Variants in CPOX observed in about 807,000 individuals in gnomAD.
The protein encoded by CPOX is coproporphyrinogen oxidase.
A neutral mutation model predicts 48.9 loss-of-function variants in CPOX; 24 were observed. The ratio of observed to expected loss-of-function variants is 0.49; its 90% CI spans 0.36 to 0.69. The LOEUF is 0.69. Among genes scored for constraint, CPOX ranks in the 30% least tolerant of loss-of-function variants. The pLI is 0.00. For missense variants in CPOX, 549 were observed against 597.3 expected (o/e 0.92, Z 0.84); for synonymous variants, 249 against 234.6 (o/e 1.06, Z -0.56).
rs1707507936 is a variant in CPOX, at chr3:98,592,950, T to C, written c.555A>G (p.Glu185=). The change falls in exon 1 of 7, where the codon GAA becomes GAG. Residue 185 remains glutamate, a splice_region_variant and synonymous_variant. Coordinates refer to ENST00000647941, the MANE Select transcript of CPOX (RefSeq NM_000097.7). ...NFSVDRWERK[E]GGGGISCVLQ... is the part of the protein sequence containing the mutation. ...CCCGCCAGGGGCCGGCCTCCTTACC[T>C]TCCTTCCTCTCCCACCGGTCCACAG... The C allele has an allele frequency of 6.2e-7, 1 of 1,611,842 alleles. No homozygotes were observed. Among genetic ancestry groups the C allele is most frequent in the Non-Finnish European group, 8.5e-7 (1 of 1,179,218 alleles).
downstream of CPOX, among the ~76,000 whole-genome samples, chr3:98,575,158 A>T (rs1394527567): frequency 6.6e-6 from 1 of 152,234 alleles, no homozygotes; most frequent in Admixed American, 6.5e-5. Context: ...AGAGGCATTC[A>T]GCCAGTACAG....
intron 3 of CPOX, 89 bp from the exon 4 acceptor site, chr3:98,588,943 T>C: frequency 6.8e-7 from 1 of 1,461,384 alleles, no homozygotes; most frequent in Non-Finnish European, 9.5e-7. Flanking sequence ...GCAGCTTAAT[T>C]TTTTCAGCAT....
intron 4 of CPOX, 63 bp downstream of exon 4, chr3:98,588,650 A>G (rs1313772587): frequency 6.4e-7 from 1 of 1,552,098 alleles, no homozygotes; most frequent in Non-Finnish European, 8.9e-7. Flanking sequence ...GTGACATAAT[A>G]GTTGCCTTCA....
Position 98,579,600 on chromosome 3 carries a change from T to G in CPOX, c.*1083A>C. 1.0e-6 allele frequency: 1 copy of G among 985,018 alleles called. No individual in the cohort carries two copies. Among genetic ancestry groups the G allele is most frequent in the Non-Finnish European group, 1.2e-6 (1 of 829,542 alleles). 61.0% of individuals were successfully genotyped at this position (985,018 alleles called of 1,614,324 possible). A position where few individuals can be genotyped will look rare whatever the true frequency, so the allele number is the denominator to read the frequency against. On this transcript the variant is annotated 3_prime_UTR_variant, in exon 7 of 7. Transcript: ENST00000647941. ...GTATGAGATGCTCTTCCTTATAAACTTTATTACGAAGCAAATAAAATAATA... is the reference window on the plus strand; with the variant it reads ...GTATGAGATGCTCTTCCTTATAAACGTTATTACGAAGCAAATAAAATAATA...
chr3:98,584,325 T>C (rs1707316495), intron 5 of CPOX, among the ~76,000 whole-genome samples: 1 of 152,066 alleles, frequency 6.6e-6, no homozygotes, highest in Non-Finnish European at 1.5e-5. Flanking sequence ...CCAAAATAAG[T>C]ATCAAGTGAA....
In CPOX at chr3:98,581,511, C is replaced by G; in HGVS notation, c.1173G>C (p.Arg391=). Residue 391 remains arginine (R), a splice_region_variant and synonymous_variant, in exon 6 of 7, where the codon CGG becomes CGC. Coordinates refer to ENST00000647941, the MANE Select transcript of CPOX (RefSeq NM_000097.7). The part of the protein sequence containing the change: ...EKLWQQLRRG[R]YVEFNLLYDR... ...CATACAGCAGATTAAATTCTACATA[C>G]CTGCCATAAATACATCAAATAACAT... 14 of 1,609,090 alleles carry G rather than the reference C, an allele frequency of 8.7e-6. No homozygotes were observed. Among genetic ancestry groups the G allele is most frequent in the Non-Finnish European group, 1.2e-5 (14 of 1,175,554 alleles).
rs141236816 is a variant in CPOX, at chr3:98,580,302, G to T, written c.*381C>A. 2.2e-5 allele frequency: 22 copies of T among 1,007,490 alleles called. No homozygotes were observed. Among genetic ancestry groups the T allele is most frequent in the Non-Finnish European group, 2.5e-5 (21 of 843,052 alleles). The allele number at this position is 1,007,490 out of a possible 1,614,324, so 62.4% of individuals were successfully genotyped here. A position where few individuals can be genotyped will look rare whatever the true frequency, so the allele number is the denominator to read the frequency against. On this transcript the variant is annotated 3_prime_UTR_variant, in exon 7 of 7. Transcript: ENST00000647941. ...TTAATGAAAATAAAATATATTCCAC[G>T]ACAGATTTTTGTGGCACAAATGAAA...
chr3:98,580,834 AAAAT>A (rs1473692049), intron 6 of CPOX, 64 bp from the exon 7 acceptor site: 1 of 1,537,034 alleles, frequency 6.5e-7, no homozygotes, highest in African/African-American at 1.4e-5. Flanking sequence ...CTCTTTACTT[AAAAT>A]AAATGAAAAA....
chr3:98,591,203 A>C, intron 1 of CPOX, 48 bp from the exon 2 acceptor site: 5 of 1,593,286 alleles, frequency 3.1e-6, no homozygotes, highest in Non-Finnish European at 4.3e-6. Context: ...GTATGTGCAA[A>C]ACTGAAAGCA....
chr3:98,586,195 G>C (rs1040886683), intron 4 of CPOX, among the ~76,000 whole-genome samples: 1 of 152,084 alleles, frequency 6.6e-6, no homozygotes, highest in Non-Finnish European at 1.5e-5. Context: ...TTTTCAAGGC[G>C]AACAGGCAAT....
At chr3:98,571,945 T>C in the CPOX span, among the ~76,000 whole-genome samples, 1 of 152,200 alleles carries the variant, frequency 6.6e-6, no homozygotes, top group Admixed American at 6.5e-5. Context: ...TTCTGTTTTT[T>C]AAAATTTCTT....
At chr3:98,575,994 C>T (rs1030108314), downstream of CPOX, among the ~76,000 whole-genome samples, 3 of 146,910 alleles carry the variant, frequency 2.0e-5, no homozygotes, top group Non-Finnish European at 4.4e-5. Flanking sequence ...ATGGCTTGAA[C>T]CCAGGAGGCA....
intron 4 of CPOX, among the ~76,000 whole-genome samples, chr3:98,586,303 G>T (rs2107121734): frequency 6.6e-6 from 1 of 152,304 alleles, no homozygotes; most frequent in Admixed American, 6.5e-5. Context: ...ATAAGCTGCT[G>T]CCTTCGGAAG....
chr3:98,586,682 C>A (rs1017957585), intron 4 of CPOX, among the ~76,000 whole-genome samples: 2 of 152,076 alleles, frequency 1.3e-5, no homozygotes, highest in Admixed American at 1.3e-4. Flanking sequence ...CGGTGGCTGA[C>A]GCCTGTAATC....
At chr3:98,590,555 A>G (rs1048859661) in intron 3 of CPOX, 77 bp downstream of exon 3, 2 of 1,022,844 alleles carry the variant, frequency 2.0e-6, no homozygotes, top group Non-Finnish European at 3.1e-6. Context: ...TCTCGCTTTT[A>G]GATGTTATGC....
intron 5 of CPOX, among the ~76,000 whole-genome samples, chr3:98,582,668 T>G (rs1707280094): frequency 6.6e-6 from 1 of 152,110 alleles, no homozygotes; most frequent in Admixed American, 6.5e-5. Context: ...ATTTTTTGTA[T>G]TTTTAGTAGA....
At chr3:98,580,865 A>T (rs1707246129) in intron 6 of CPOX, 95 bp from the exon 7 acceptor site, 13 of 939,164 alleles carry the variant, frequency 1.4e-5, no homozygotes, top group African/African-American at 1.7e-5. Context: ...CCTAAGAATA[A>T]AAAAAAAAAA....
downstream of CPOX, among the ~76,000 whole-genome samples, chr3:98,574,558 A>G (rs542705031): frequency 1.4e-3 from 220 of 152,356 alleles, 1 homozygote; most frequent in African/African-American, 5.1e-3. Flanking sequence ...TACTTTCAGC[A>G]GAATTTGTAT....
chr3:98,592,197 A>C (rs1157261771), intron 1 of CPOX, among the ~76,000 whole-genome samples: 1 of 152,192 alleles, frequency 6.6e-6, no homozygotes, highest in Non-Finnish European at 1.5e-5. Flanking sequence ...TAGATGTGTC[A>C]GTATCACAGC....
Sources: allele counts gnomAD v4.1 joint callset (sites outside exome capture counted in the v4.1 genomes callset), GRCh38; gene constraint gnomAD v4.1.1; transcripts MANE v1.5; gene names NCBI Gene and HGNC (gene_info 2026-07-23, HGNC 2026-07-21).